The following MGAT4C variants were observed in gnomAD, a reference collection of about 807,000 sequenced individuals.
The protein encoded by MGAT4C is alpha-1,3-mannosyl-glycoprotein 4-beta-N-acetylglucosaminyltransferase C.
MGAT4C carries 19 observed loss-of-function variants against 40.1 expected under a neutral mutation model. The ratio of observed to expected loss-of-function variants is 0.47; its 90% CI spans 0.33 to 0.70. MGAT4C has a LOEUF of 0.70. MGAT4C is among the 30% of genes least tolerant of loss of function. MGAT4C has a pLI of 0.02. For synonymous variants in MGAT4C, 181 were observed against 187.1 expected (o/e 0.97, Z 0.27); for missense variants, 491 against 563.2 (o/e 0.87, Z 1.30).
At chr12:86,681,792 C>A (rs1361678548) in intron 2 of MGAT4C, among the ~76,000 whole-genome samples, 5 of 151,900 alleles carry the variant, frequency 3.3e-5, no homozygotes, top group Admixed American at 3.3e-4. Context: ...TTAACATAAG[C>A]TCAAACATGA....
At chr12:86,781,776 T>G (rs1951845255) in intron 1 of MGAT4C, among the ~76,000 whole-genome samples, 1 of 152,176 alleles carries the variant, frequency 6.6e-6, no homozygotes, top group African/African-American at 2.4e-5. Context: ...TTGACACAAA[T>G]TATTCAAAAA....
intron 1 of MGAT4C, among the ~76,000 whole-genome samples, chr12:86,790,255 T>C (rs1003000422): frequency 2.0e-5 from 3 of 152,156 alleles, no homozygotes; most frequent in African/African-American, 7.2e-5. Flanking sequence ...TTATTGGATA[T>C]ATTTGAAAAC....
intron 2 of MGAT4C, among the ~76,000 whole-genome samples, chr12:86,707,860 A>G (rs1310931682): frequency 6.6e-6 from 1 of 152,192 alleles, no homozygotes; most frequent in Non-Finnish European, 1.5e-5. Flanking sequence ...GCAGCAAAAC[A>G]TTCAAGATGT....
chr12:86,573,501 T>G (rs10858443), intron 2 of MGAT4C, among the ~76,000 whole-genome samples: 7,996 of 152,086 alleles, frequency 0.053, 346 homozygotes, highest in East Asian at 0.19. Context: ...TGTTTGATTT[T>G]AGTTAGTGAC....
chr12:86,571,810 T>C (rs140475471), intron 2 of MGAT4C, among the ~76,000 whole-genome samples: 2 of 152,266 alleles, frequency 1.3e-5, no homozygotes, highest in Admixed American at 6.5e-5. Context: ...TCTATGAGTT[T>C]AAGGTCAAAG....
chr12:86,713,473 A>G (rs1232450780), intron 2 of MGAT4C, among the ~76,000 whole-genome samples: 1 of 152,092 alleles, frequency 6.6e-6, no homozygotes, highest in East Asian at 1.9e-4. Flanking sequence ...ATAAATTAAT[A>G]TTATAAAATT....
intron 2 of MGAT4C, among the ~76,000 whole-genome samples, chr12:86,446,229 A>T (rs1471591286): frequency 6.6e-6 from 1 of 152,030 alleles, no homozygotes; most frequent in Non-Finnish European, 1.5e-5. Context: ...ACAAGGACCC[A>T]TTTTTTCCTG....
chr12:86,223,933 A>C (rs983224255), intron 1 of MGAT4C, among the ~76,000 whole-genome samples: 1 of 152,106 alleles, frequency 6.6e-6, no homozygotes, highest in Non-Finnish European at 1.5e-5. Context: ...TTGCTCCACC[A>C]CTACCACAGC....
At chr12:86,213,720 C>T (rs1404379770) in intron 1 of MGAT4C, among the ~76,000 whole-genome samples, 6 of 152,210 alleles carry the variant, frequency 3.9e-5, no homozygotes, top group Non-Finnish European at 1.5e-5. Flanking sequence ...ACATATTGGA[C>T]TGCATAGCAT....
chr12:86,529,332 C>T (rs1232469794), intron 2 of MGAT4C, among the ~76,000 whole-genome samples: 1 of 152,052 alleles, frequency 6.6e-6, no homozygotes, highest in Non-Finnish European at 1.5e-5. Flanking sequence ...GAAGACCATA[C>T]CATTATTACA....
intron 3 of MGAT4C, among the ~76,000 whole-genome samples, chr12:86,434,244 T>C (rs1038188213): frequency 3.3e-5 from 5 of 152,012 alleles, no homozygotes; most frequent in Admixed American, 6.6e-5. Context: ...GTCTTTTTGA[T>C]ATTTATGTTA....
upstream of MGAT4C, among the ~76,000 whole-genome samples, chr12:86,260,126 G>C (rs1335253166): frequency 6.6e-6 from 1 of 152,064 alleles, no homozygotes; most frequent in Non-Finnish European, 1.5e-5. Context: ...GGACAAGTTG[G>C]AGTATCAAAT....
At chr12:86,703,882 T>C (rs1349353144) in intron 2 of MGAT4C, among the ~76,000 whole-genome samples, 1 of 152,112 alleles carries the variant, frequency 6.6e-6, no homozygotes, top group Non-Finnish European at 1.5e-5. Flanking sequence ...TCGGAATCTA[T>C]CATAAGTTCT....
At chr12:86,193,912 C>T (rs989823859) in intron 1 of MGAT4C, among the ~76,000 whole-genome samples, 2 of 152,106 alleles carry the variant, frequency 1.3e-5, no homozygotes, top group Non-Finnish European at 2.9e-5. Flanking sequence ...ACTGTTTTCA[C>T]TTAACGCTTT....
chr12:86,710,828 T>C (rs1341760970), intron 2 of MGAT4C, among the ~76,000 whole-genome samples: 2 of 152,162 alleles, frequency 1.3e-5, no homozygotes, highest in East Asian at 3.9e-4. Context: ...ATGTGGTATA[T>C]ATACACCATG....
At chr12:86,263,266 G>A (rs1952699271) in intron 4 of MGAT4C, among the ~76,000 whole-genome samples, 1 of 151,952 alleles carries the variant, frequency 6.6e-6, no homozygotes. Flanking sequence ...GGCTTTTAGG[G>A]TATCTATCAC....
At chr12:86,185,806 A>C (rs2135883653) in intron 1 of MGAT4C, among the ~76,000 whole-genome samples, 1 of 152,260 alleles carries the variant, frequency 6.6e-6, no homozygotes, top group African/African-American at 2.4e-5. Context: ...GAACACGAGT[A>C]TTTTACAAAA....
At chr12:86,413,015 G>T (rs1372663427) in intron 3 of MGAT4C, among the ~76,000 whole-genome samples, 1 of 152,062 alleles carries the variant, frequency 6.6e-6, no homozygotes, top group African/African-American at 2.4e-5. Context: ...ATGTAAGGCT[G>T]TATTTTTTAA....
chr12:86,333,262 T>C (rs1207274829), intron 4 of MGAT4C, among the ~76,000 whole-genome samples: 1 of 152,170 alleles, frequency 6.6e-6, no homozygotes, highest in African/African-American at 2.4e-5. Context: ...CATTGGCCAT[T>C]ATTGGGGAAA....
Sources: gnomAD v4.1 joint callset for allele counts (sites outside exome capture counted in the v4.1 genomes callset) on GRCh38, gnomAD v4.1.1 for gene constraint, MANE v1.5 for transcripts, NCBI Gene and HGNC (gene_info 2026-07-23, HGNC 2026-07-21) for gene names.